The following ADAMTSL1 variants were observed in gnomAD, a reference collection of about 807,000 sequenced individuals.
The protein encoded by ADAMTSL1 is ADAMTS like 1.
A neutral mutation model predicts 201.8 loss-of-function variants in ADAMTSL1; 126 were observed. The ratio of observed to expected loss-of-function variants is 0.62; its 90% CI spans 0.54 to 0.72. The LOEUF is 0.72. Ranked by LOEUF, ADAMTSL1 falls within the 30% of genes least tolerant of loss-of-function variation. The probability of loss-of-function intolerance (pLI) is 0.00; values close to 1 mark genes in which losing one functional copy is unlikely to be tolerated. For missense variants in ADAMTSL1, 2,679 were observed against 2,277.8 expected (o/e 1.18, Z -3.59); for synonymous variants, 1,121 against 903.4 (o/e 1.24, Z -4.32).
At chr9:18,808,913 T>C (rs531622165) in intron 20 of ADAMTSL1, among the ~76,000 whole-genome samples, 1 of 152,320 alleles carries the variant, frequency 6.6e-6, no homozygotes, top group Admixed American at 6.5e-5. Context: ...ATGTAAAAGA[T>C]AGTACTGTTG....
intron 2 of ADAMTSL1, among the ~76,000 whole-genome samples, chr9:18,181,675 T>G (rs1328139396): frequency 2.0e-5 from 3 of 152,024 alleles, no homozygotes; most frequent in African/African-American, 7.2e-5. Context: ...AGGAACACTT[T>G]TACACTGTTG....
chr9:18,874,167 AT>A (rs1398500668), intron 23 of ADAMTSL1, among the ~76,000 whole-genome samples: 1 of 152,052 alleles, frequency 6.6e-6, no homozygotes, highest in African/African-American at 2.4e-5. Flanking sequence ...TGCTGGATTC[AT>A]TTATCAGTTC....
rs769507231 is a variant in ADAMTSL1, at chr9:18,826,461, T to C, written c.4112T>C (p.Leu1371Pro). ...ELTESTQLLI[L>P]DPPQVPTQLE... Reference sequence around the variant, plus strand: ...ACTGAGAGCACCCAGCTGCTGATCCTAGGTAAACACTTCAAAGCTGGCTGC... The same window carrying C: ...ACTGAGAGCACCCAGCTGCTGATCCCAGGTAAACACTTCAAAGCTGGCTGC... Residue 1371 changes from leucine to proline, a missense_variant and splice_region_variant, in exon 22 of 29, where the codon CTA becomes CCA. Physicochemically the swap from Leu to Pro is moderately conservative, Grantham distance 98. Transcript: ENST00000380548. 1 of 1,612,162 alleles carries C rather than the reference T, an allele frequency of 6.2e-7. No individual in the cohort carries two copies. The highest frequency in any genetic ancestry group is 8.5e-7 in the Non-Finnish European group (1 of 1,179,180).
intron 2 of ADAMTSL1, among the ~76,000 whole-genome samples, chr9:18,272,316 A>C (rs1832405047): frequency 6.6e-6 from 1 of 152,218 alleles, no homozygotes. Context: ...ATCTACAACT[A>C]TCTGAACTTT....
intron 2 of ADAMTSL1, among the ~76,000 whole-genome samples, chr9:18,526,034 C>T (rs1040893659): frequency 3.3e-5 from 5 of 152,146 alleles, no homozygotes; most frequent in African/African-American, 9.7e-5. Flanking sequence ...CCAATGTTGA[C>T]AGTGGGGTGT....
chr9:18,760,076 A>G (rs1394296015), intron 16 of ADAMTSL1, among the ~76,000 whole-genome samples: 1 of 152,140 alleles, frequency 6.6e-6, no homozygotes. Context: ...CAAGCTTAAT[A>G]CATACCTGCC....
chr9:18,475,595 A>G (rs1821408348), intron 1 of ADAMTSL1, among the ~76,000 whole-genome samples: 1 of 152,200 alleles, frequency 6.6e-6, no homozygotes, highest in Non-Finnish European at 1.5e-5. Context: ...TGAATGAACT[A>G]TAAGTTTTAG....
chr9:18,722,868 A>G (rs1315966069), intron 15 of ADAMTSL1: 2 of 669,330 alleles, frequency 3.0e-6, no homozygotes, highest in Non-Finnish European at 5.5e-6. Context: ...GGTCCTGTAC[A>G]TGAAATCCTG....
chr9:18,317,848 C>T (rs966338763), intron 2 of ADAMTSL1, among the ~76,000 whole-genome samples: 1 of 152,188 alleles, frequency 6.6e-6, no homozygotes, highest in Non-Finnish European at 1.5e-5. Flanking sequence ...TGAGGGCAAA[C>T]ACCAGAGCTG....
intron 2 of ADAMTSL1, among the ~76,000 whole-genome samples, chr9:18,277,765 A>C (rs1832641130): frequency 6.6e-6 from 1 of 152,150 alleles, no homozygotes; most frequent in Admixed American, 6.5e-5. Flanking sequence ...TAATCTATTT[A>C]CAATTTAAAT....
intron 20 of ADAMTSL1, among the ~76,000 whole-genome samples, chr9:18,804,376 A>C (rs13300818): frequency 0.044 from 6,736 of 152,282 alleles, 313 homozygotes; most frequent in East Asian, 0.25. Context: ...TCAAATGCTG[A>C]CTCAGGAGGC....
intron 2 of ADAMTSL1, among the ~76,000 whole-genome samples, chr9:18,228,686 C>A (rs1196266770): frequency 6.6e-6 from 1 of 152,110 alleles, no homozygotes; most frequent in Non-Finnish European, 1.5e-5. Flanking sequence ...TCCTAAAGTG[C>A]TGGGATTACA....
At chr9:18,316,571 G>A (rs371735064) in intron 2 of ADAMTSL1, among the ~76,000 whole-genome samples, 4 of 152,088 alleles carry the variant, frequency 2.6e-5, no homozygotes, top group African/African-American at 9.7e-5. Context: ...GCTCACTGGT[G>A]GTCAGAGTTT....
At chr9:18,728,139 G>T (rs1818007289) in intron 15 of ADAMTSL1, among the ~76,000 whole-genome samples, 1 of 151,358 alleles carries the variant, frequency 6.6e-6, no homozygotes, top group African/African-American at 2.4e-5. Context: ...TAAGACAACT[G>T]CCTTGCATGC....
Position 17,963,342 on chromosome 9 carries a change from A to G in ADAMTSL1, c.87+56420A>G, listed in dbSNP as rs1030748088. On this transcript the variant is annotated intron_variant, in intron 1 of 29. Transcript: ENST00000680146. ...TGGAGTTTTTAAACATAGATACTAA[A>G]GAAGGCTAGATATTAGACTGTGGAC... is the stretch of plus-strand genomic sequence containing the variant. Among the ~76,000 whole-genome samples, 3 of 152,204 alleles carry G rather than the reference A, an allele frequency of 2.0e-5. No individual in the cohort carries two copies. In the South Asian group the frequency reaches 6.2e-4, roughly 31 times the overall value.
chr9:18,113,124 T>C (rs945486596), intron 1 of ADAMTSL1, among the ~76,000 whole-genome samples: 2 of 152,038 alleles, frequency 1.3e-5, no homozygotes, highest in Non-Finnish European at 2.9e-5. Context: ...CTCAGGGAAG[T>C]AAGTCATTTA....
chr9:18,233,620 A>G (rs181505071), intron 2 of ADAMTSL1, among the ~76,000 whole-genome samples: 7 of 150,732 alleles, frequency 4.6e-5, no homozygotes, highest in Middle Eastern at 3.4e-3. Flanking sequence ...CAGACAGCAG[A>G]CAAAGAGATG....
chr9:18,522,149 G>A (rs890642052), intron 2 of ADAMTSL1, among the ~76,000 whole-genome samples: 11 of 152,162 alleles, frequency 7.2e-5, no homozygotes, highest in Non-Finnish European at 1.5e-4. Flanking sequence ...CTAGAGGGAG[G>A]AGGAGAGAGG....
In ADAMTSL1 at chr9:18,837,185, C is replaced by G. The variant is rs80352328; in HGVS notation, c.4249+7208C>G. Among the ~76,000 whole-genome samples the G allele has an allele frequency of 6.8e-3, 1,032 of 152,256 alleles. 16 individuals carry two copies. The highest frequency in any genetic ancestry group is 0.023 in the African/African-American group (960 of 41,562). ...AGCATTGTATTTAAGAAATCTTTGC[C>G]TACTTCTGTCTCAAAGACGTTCTCA... On this transcript the variant is annotated intron_variant, in intron 23 of 28. Transcript: ENST00000380548.
Sources: allele counts gnomAD v4.1 joint callset (sites outside exome capture counted in the v4.1 genomes callset), GRCh38; gene constraint gnomAD v4.1.1; transcripts MANE v1.5; gene names NCBI Gene and HGNC (gene_info 2026-07-23, HGNC 2026-07-21).